WDR89: variants seen among roughly 807,000 people sequenced by gnomAD.
WDR89 encodes the protein WD repeat-containing protein 89.
Under a neutral mutation model 29.1 loss-of-function variants are expected in WDR89, and 17 were observed. That is an observed-to-expected ratio of 0.58 (90% confidence interval 0.40 to 0.88). The LOEUF is 0.88. Among genes scored for constraint, WDR89 ranks in the 40% least tolerant of loss-of-function variants. The pLI is 0.00. For synonymous variants in WDR89, 138 were observed against 157.8 expected, an observed-to-expected ratio of 0.87 and a Z score of 0.94; for missense variants, 396 against 456.3, an observed-to-expected ratio of 0.87 and a Z score of 1.20.
Position 63,598,757 on chromosome 14 carries a change from A to C in WDR89, c.*22T>G. 1.3e-6 allele frequency: 2 copies of C among 1,545,806 alleles called. No individual in the cohort carries two copies. Among genetic ancestry groups the C allele is most frequent in the South Asian group, 2.5e-5 (2 of 78,652 alleles). The stretch of plus-strand genomic sequence containing the variant: ...ACTATTTGAAACTATAAAACCTACC[A>C]AACAAAGTGCCAAATGCATTATCAC... On this transcript the variant is annotated 3_prime_UTR_variant, in exon 3 of 3. Coordinates refer to ENST00000620954, the MANE Select transcript of WDR89 (RefSeq NM_080666.4).
chr14:63,606,848 G>A (rs1895345419), intron 2 of WDR89, among the ~76,000 whole-genome samples: 2 of 152,188 alleles, frequency 1.3e-5, no homozygotes, highest in Admixed American at 6.5e-5. Flanking sequence ...AGACTAATTT[G>A]CCCTTGCTCT....
At chr14:63,634,553 T>C (rs999435556) in intron 1 of WDR89, among the ~76,000 whole-genome samples, 1 of 147,128 alleles carries the variant, frequency 6.8e-6, no homozygotes, top group African/African-American at 2.5e-5. Flanking sequence ...AAGGGAGAAA[T>C]ATTCAGGGAA....
At position 63,598,664 on chromosome 14, in the gene WDR89, T is replaced by C. The variant is rs1044893154; in HGVS notation, c.*115A>G. ...CATTCTCACCATATTTTTCCAGGACTGTTTGCTAACTGGCTTGTTTTTACA... is the reference window on the plus strand; with the variant it reads ...CATTCTCACCATATTTTTCCAGGACCGTTTGCTAACTGGCTTGTTTTTACA... On this transcript the variant is annotated 3_prime_UTR_variant, in exon 3 of 3. Transcript: ENST00000620954. 6 of 937,308 alleles carry C rather than the reference T, an allele frequency of 6.4e-6. No individual in the cohort carries two copies. Among genetic ancestry groups the C allele is most frequent in the Non-Finnish European group, 8.9e-6 (6 of 675,962 alleles). 58.1% of individuals were successfully genotyped at this position (937,308 alleles called of 1,614,324 possible). A position where few individuals can be genotyped will look rare whatever the true frequency, so the allele number is the denominator to read the frequency against.
At chr14:63,627,345 A>C (rs1883139034) in intron 1 of WDR89, among the ~76,000 whole-genome samples, 1 of 152,174 alleles carries the variant, frequency 6.6e-6, no homozygotes, top group Admixed American at 6.6e-5. Context: ...AATAACAAAA[A>C]AACCTAACAG....
At position 63,603,740 on chromosome 14, in the gene WDR89, G is replaced by C. The variant is rs114199296; in HGVS notation, c.-31-3767C>G. Among the ~76,000 whole-genome samples the C allele has an allele frequency of 6.4e-4, 97 of 152,274 alleles. 1 individual carries two copies. Among genetic ancestry groups the C allele is most frequent in the African/African-American group, 2.3e-3 (96 of 41,554 alleles). On this transcript the variant is annotated intron_variant, in intron 2 of 2. Transcript: ENST00000620954. ...CCATCAGTCTGTAAGCCCCACATGA[G>C]AAACTCCGTGGAAGCATTAGGTAGC...
At chr14:63,602,463 A>G (rs1374180240) in intron 2 of WDR89, among the ~76,000 whole-genome samples, 1 of 95,078 alleles carries the variant, frequency 1.1e-5, no homozygotes, top group Non-Finnish European at 1.8e-5. Flanking sequence ...ATTCCTACTC[A>G]AAAAAAAAAA....
chr14:63,636,429 T>C (rs1362837463), intron 1 of WDR89, among the ~76,000 whole-genome samples: 1 of 152,148 alleles, frequency 6.6e-6, no homozygotes, highest in East Asian at 1.9e-4. Flanking sequence ...AAAATTCATA[T>C]GGAACCAAAA....
chr14:63,634,024 G>A (rs1595039903), intron 1 of WDR89, among the ~76,000 whole-genome samples: 2 of 152,202 alleles, frequency 1.3e-5, no homozygotes, highest in South Asian at 4.1e-4. Context: ...AAAATTACGA[G>A]AACTGTAAAA....
At chr14:63,629,657 C>G (rs1434951120) in intron 1 of WDR89, among the ~76,000 whole-genome samples, 1 of 152,158 alleles carries the variant, frequency 6.6e-6, no homozygotes, top group Non-Finnish European at 1.5e-5. Flanking sequence ...TTTAGTATTG[C>G]TGATCATAAT....
intron 1 of WDR89, among the ~76,000 whole-genome samples, chr14:63,633,149 GA>G: frequency 6.6e-6 from 1 of 152,168 alleles, no homozygotes; most frequent in Middle Eastern, 3.4e-3. Context: ...GAATGTTAAA[GA>G]AATGCAATAT....
intron 1 of WDR89, among the ~76,000 whole-genome samples, chr14:63,630,011 G>C (rs935563480): frequency 6.6e-6 from 1 of 152,062 alleles, no homozygotes; most frequent in Non-Finnish European, 1.5e-5. Flanking sequence ...GCAATGGCGT[G>C]ATCTTGGCTC....
At chr14:63,620,572 A>C (rs1021032127) in intron 2 of WDR89, among the ~76,000 whole-genome samples, 4 of 151,996 alleles carry the variant, frequency 2.6e-5, no homozygotes, top group Non-Finnish European at 4.4e-5. Context: ...GTTAGTAACA[A>C]TGTACTGTAC....
chr14:63,599,259 A>G lies in WDR89; in HGVS notation c.684T>C (p.Gly228=). Residue 228 remains glycine (G), a synonymous_variant, in exon 3 of 3, where the codon GGT becomes GGC. Transcript: ENST00000620954. ...SVSCIGWSGK[G]YKQIYCMTHD... ...GTGTCATGCAGTAAATCTGTTTATAACCTTTCCCAGACCAACCAATACAGC... is the reference window on the plus strand; with the variant it reads ...GTGTCATGCAGTAAATCTGTTTATAGCCTTTCCCAGACCAACCAATACAGC... 1 of 1,611,464 alleles carries G rather than the reference A, an allele frequency of 6.2e-7. No individual in the cohort carries two copies. Among genetic ancestry groups the G allele is most frequent in the South Asian group, 1.1e-5 (1 of 90,764 alleles).
chr14:63,615,628 C>T (rs1046859283), intron 2 of WDR89, among the ~76,000 whole-genome samples: 1 of 152,118 alleles, frequency 6.6e-6, no homozygotes, highest in Admixed American at 6.6e-5. Flanking sequence ...AATTACCCTA[C>T]TCAAGAATTC....
chr14:63,637,252 T>TA (rs1311089887), intron 1 of WDR89, among the ~76,000 whole-genome samples: 2 of 152,008 alleles, frequency 1.3e-5, no homozygotes, highest in African/African-American at 4.8e-5. Flanking sequence ...AAGTGAAGAA[T>TA]AAAAAAACAA....
intron 1 of WDR89, among the ~76,000 whole-genome samples, chr14:63,627,622 T>C (rs1474915022): frequency 6.6e-6 from 1 of 152,188 alleles, no homozygotes; most frequent in Non-Finnish European, 1.5e-5. Context: ...ACTCTCTCTC[T>C]AGTTTTGCCT....
chr14:63,631,840 G>A (rs1287709915), intron 1 of WDR89, among the ~76,000 whole-genome samples: 1 of 152,136 alleles, frequency 6.6e-6, no homozygotes, highest in East Asian at 1.9e-4. Context: ...GGCCAGGTGC[G>A]GTGGTTCACG....
chr14:63,616,616 A>G (rs140935524), intron 2 of WDR89, among the ~76,000 whole-genome samples: 109 of 152,340 alleles, frequency 7.2e-4, no homozygotes, highest in African/African-American at 2.4e-3. Context: ...GCCTAGGCAG[A>G]GAGAAACAAC....
intron 1 of WDR89, among the ~76,000 whole-genome samples, chr14:63,637,395 C>T (rs921532487): frequency 2.0e-5 from 3 of 151,166 alleles, no homozygotes; most frequent in African/African-American, 7.4e-5. Flanking sequence ...ACATTTGATC[C>T]AGCAATCCCA....
Sources: allele counts gnomAD v4.1 joint callset (sites outside exome capture counted in the v4.1 genomes callset), GRCh38; gene constraint gnomAD v4.1.1; transcripts MANE v1.5; gene names NCBI Gene and HGNC (gene_info 2026-07-23, HGNC 2026-07-21).